Variants in DNM3 observed in about 807,000 individuals in gnomAD.
DNM3 encodes the protein dynamin 3.
A neutral mutation model predicts 101.6 loss-of-function variants in DNM3; 47 were observed. The ratio of observed to expected loss-of-function variants is 0.46; its 90% CI spans 0.37 to 0.59. The LOEUF is 0.59. Ranked by LOEUF, DNM3 falls within the 20% of genes least tolerant of loss-of-function variation. The probability of loss-of-function intolerance (pLI) is 0.00; values close to 1 mark genes in which losing one functional copy is unlikely to be tolerated. For missense variants in DNM3, 849 were observed against 1,085.7 expected (o/e 0.78, Z 3.06); for synonymous variants, 385 against 387.9 (o/e 0.99, Z 0.09).
chr1:172,293,490 A>G (rs2064018019), intron 15 of DNM3, among the ~76,000 whole-genome samples: 1 of 152,256 alleles, frequency 6.6e-6, no homozygotes, highest in Non-Finnish European at 1.5e-5. Context: ...TCAGAAGCTC[A>G]TATCTGCATG....
intron 4 of DNM3, among the ~76,000 whole-genome samples, chr1:172,019,816 T>A (rs2047709246): frequency 6.6e-6 from 1 of 152,194 alleles, no homozygotes; most frequent in Non-Finnish European, 1.5e-5. Flanking sequence ...GCATTTCTTT[T>A]TATTCTTTCT....
intron 14 of DNM3, among the ~76,000 whole-genome samples, chr1:172,135,101 T>C (rs1330902970): frequency 6.6e-6 from 1 of 152,144 alleles, no homozygotes; most frequent in Non-Finnish European, 1.5e-5. Context: ...TAGATAATGG[T>C]AGCTTGGGCT....
chr1:171,981,976 T>C (rs966640303), intron 2 of DNM3, among the ~76,000 whole-genome samples: 1 of 152,230 alleles, frequency 6.6e-6, no homozygotes, highest in African/African-American at 2.4e-5. Flanking sequence ...CTCACATTGA[T>C]GCTGGGCTGA....
At position 172,169,176 on chromosome 1, in the gene DNM3, T is replaced by C. The variant is rs571564354; in HGVS notation, c.1659+37888T>C. On this transcript the variant is annotated intron_variant, in intron 14 of 20. Transcript: ENST00000627582. ...AATTTGTTTGGAATGAAATTCCATA[T>C]TGAGGGGATATTCCTCCATTGCAGA... Among the ~76,000 whole-genome samples the C allele has an allele frequency of 3.2e-4, 48 of 151,996 alleles. 1 individual carries two copies. The South Asian group carries it at 9.6e-3, about 30-fold the overall frequency.
chr1:172,346,749 G>T (rs1296725172), intron 17 of DNM3, among the ~76,000 whole-genome samples: 1 of 152,120 alleles, frequency 6.6e-6, no homozygotes, highest in African/African-American at 2.4e-5. Flanking sequence ...GCCAGAAAAT[G>T]ACACGAAAGC....
chr1:171,934,648 A>G (rs2041271648), intron 2 of DNM3, among the ~76,000 whole-genome samples: 1 of 152,290 alleles, frequency 6.6e-6, no homozygotes, highest in Admixed American at 6.5e-5. Flanking sequence ...CTGTGGTAAG[A>G]GCTTAGGCAA....
intron 14 of DNM3, among the ~76,000 whole-genome samples, chr1:172,148,998 A>G (rs2058029081): frequency 6.6e-6 from 1 of 152,198 alleles, no homozygotes; most frequent in African/African-American, 2.4e-5. Flanking sequence ...TCAGAGGAGT[A>G]AGAGATTTTC....
At chr1:172,289,543 A>G (rs1443120328) in intron 15 of DNM3, 2 of 934,154 alleles carry the variant, frequency 2.1e-6, no homozygotes, top group African/African-American at 3.6e-5. Flanking sequence ...TCCTAAATGT[A>G]ACAATAACAT....
chr1:172,337,041 A>C (rs1411110876), intron 17 of DNM3, among the ~76,000 whole-genome samples: 1 of 152,186 alleles, frequency 6.6e-6, no homozygotes, highest in South Asian at 2.1e-4. Flanking sequence ...TACTTGCATG[A>C]TGTTTTCATC....
At chr1:171,929,805 C>T (rs1017596259) in intron 2 of DNM3, among the ~76,000 whole-genome samples, 6 of 152,136 alleles carry the variant, frequency 3.9e-5, no homozygotes, top group African/African-American at 1.4e-4. Flanking sequence ...GGAGGAGAAA[C>T]AGCATTGGGG....
In DNM3 at chr1:172,068,959, C is replaced by G. The variant is rs1350498217; in HGVS notation, c.1422+54C>G. ...GGAGATTGTGGGAGGTCGAAGGTCT[C>G]TGCAAGGTTGTCTGGTAGTTCCCAA... On this transcript the variant is annotated intron_variant, in intron 11 of 20. Transcript: ENST00000627582. 4.0e-6 allele frequency: 6 copies of G among 1,494,916 alleles called. No individual in the cohort carries two copies. In the Admixed American group the frequency reaches 5.9e-5, roughly 15 times the overall value. The allele number at this position is 1,494,916 out of a possible 1,614,324, so 92.6% of individuals were successfully genotyped here.
intron 2 of DNM3, among the ~76,000 whole-genome samples, chr1:171,971,184 A>G (rs887279013): frequency 1.3e-5 from 2 of 152,036 alleles, no homozygotes; most frequent in Admixed American, 1.3e-4. Flanking sequence ...GCCCAGCCGT[A>G]TATCTCCTAT....
chr1:172,354,948 G>T (rs140668802), intron 17 of DNM3, among the ~76,000 whole-genome samples: 1 of 152,268 alleles, frequency 6.6e-6, no homozygotes, highest in African/African-American at 2.4e-5. Context: ...TCCGCTTGCC[G>T]TTAAAAGGAG....
intron 4 of DNM3, among the ~76,000 whole-genome samples, chr1:172,030,015 C>G (rs1276674219): frequency 6.6e-6 from 1 of 152,196 alleles, no homozygotes; most frequent in Non-Finnish European, 1.5e-5. Flanking sequence ...CTACCTCTAT[C>G]AAGCTACCAC....
intron 10 of DNM3, among the ~76,000 whole-genome samples, chr1:172,051,360 C>T (rs2050191726): frequency 6.6e-6 from 1 of 152,128 alleles, no homozygotes; most frequent in African/African-American, 2.4e-5. Flanking sequence ...TAGAACCTGG[C>T]TTACATTTTT....
At chr1:172,024,162 CTTCT>C (rs2048036531) in intron 4 of DNM3, among the ~76,000 whole-genome samples, 1 of 150,908 alleles carries the variant, frequency 6.6e-6, no homozygotes, top group African/African-American at 2.4e-5. Flanking sequence ...TTGGCTTTTC[CTTCT>C]TTCTTTTCTT....
intron 14 of DNM3, among the ~76,000 whole-genome samples, chr1:172,211,516 T>G (rs1471340603): frequency 2.0e-5 from 3 of 152,144 alleles, no homozygotes; most frequent in Non-Finnish European, 4.4e-5. Flanking sequence ...TGAAATTGAT[T>G]ACTGTCTGAA....
intron 17 of DNM3, among the ~76,000 whole-genome samples, chr1:172,332,472 G>C (rs552811759): frequency 2.2e-4 from 34 of 152,188 alleles, no homozygotes; most frequent in African/African-American, 7.9e-4. Flanking sequence ...GCCACATCCG[G>C]CTAATGTTTT....
At chr1:172,300,189 T>C (rs2064371086) in intron 15 of DNM3, among the ~76,000 whole-genome samples, 1 of 152,180 alleles carries the variant, frequency 6.6e-6, no homozygotes, top group Non-Finnish European at 1.5e-5. Context: ...TGTCTTCTTT[T>C]GATAAGTGTC....
Sources: gnomAD v4.1 joint callset for allele counts (sites outside exome capture counted in the v4.1 genomes callset) on GRCh38, gnomAD v4.1.1 for gene constraint, MANE v1.5 for transcripts, NCBI Gene and HGNC (gene_info 2026-07-23, HGNC 2026-07-21) for gene names.